The following CFAP58 variants were observed in gnomAD, a reference collection of about 807,000 sequenced individuals.
The protein encoded by CFAP58 is cilia- and flagella-associated protein 58.
CFAP58 carries 88 observed loss-of-function variants against 119.5 expected under a neutral mutation model. The ratio of observed to expected loss-of-function variants is 0.74; its 90% CI spans 0.62 to 0.88. CFAP58 has a LOEUF of 0.88. Among genes scored for constraint, CFAP58 ranks in the 40% least tolerant of loss-of-function variants. The probability of loss-of-function intolerance (pLI) is 0.00; values close to 1 mark genes in which losing one functional copy is unlikely to be tolerated. For missense variants in CFAP58, 990 were observed against 1,021.2 expected (o/e 0.97, Z 0.42); for synonymous variants, 365 against 366.3 (o/e 1.00, Z 0.04).
intron 15 of CFAP58, among the ~76,000 whole-genome samples, chr10:104,419,910 T>C (rs1183561240): frequency 6.6e-6 from 1 of 152,168 alleles, no homozygotes; most frequent in African/African-American, 2.4e-5. Context: ...CTTCAAGATT[T>C]TGGAGGAAAT....
At chr10:104,359,831 C>T (rs2014643117) in intron 2 of CFAP58, among the ~76,000 whole-genome samples, 1 of 152,078 alleles carries the variant, frequency 6.6e-6, no homozygotes, top group Admixed American at 6.6e-5. Flanking sequence ...AAACCCAAAA[C>T]AAACAAAAAA....
At chr10:104,375,990 C>T (rs1326708941) in intron 7 of CFAP58, among the ~76,000 whole-genome samples, 1 of 151,758 alleles carries the variant, frequency 6.6e-6, no homozygotes, top group Non-Finnish European at 1.5e-5. Context: ...TCTTATTGGA[C>T]CTAAAAGGGT....
At chr10:104,342,342 C>G in the CFAP58 span, among the ~76,000 whole-genome samples, 1 of 152,122 alleles carries the variant, frequency 6.6e-6, no homozygotes, top group African/African-American at 2.4e-5. Context: ...TTTTGATTTG[C>G]AGTTTTTAAA....
intron 15 of CFAP58, among the ~76,000 whole-genome samples, chr10:104,432,085 G>T (rs907340759): frequency 2.6e-5 from 4 of 152,030 alleles, no homozygotes; most frequent in African/African-American, 9.7e-5. Context: ...GTATCTACAA[G>T]TAGAGGAAGT....
chr10:104,420,127 CTTT>C (rs10708502), intron 15 of CFAP58, among the ~76,000 whole-genome samples: 7 of 143,714 alleles, frequency 4.9e-5, no homozygotes, highest in Non-Finnish European at 4.6e-5. Flanking sequence ...TGTTTGGGGC[CTTT>C]TTTTTTTTTT....
In CFAP58 at chr10:104,400,725, A is replaced by G; in HGVS notation, c.1861A>G (p.Asn621Asp). The G allele has an allele frequency of 6.2e-7, 1 of 1,614,126 alleles. No homozygotes were observed. The highest frequency in any genetic ancestry group is 8.5e-7 in the Non-Finnish European group (1 of 1,180,018). The change falls in exon 13 of 18, where the codon AAT (asparagine) becomes GAT (aspartate). Residue 621 changes from asparagine to aspartate, a missense_variant. Physicochemically the swap from Asn to Asp is conservative, Grantham distance 23. Transcript: ENST00000369704. ...DILGSQLVRR[N>D]DELALLYEKI... ...CCTGGGGTCTCAGCTTGTTCGGCGC[A>G]ATGATGAGTTAGCTTTGCTCTATGA... is the stretch of plus-strand genomic sequence containing the variant.
In CFAP58 at chr10:104,413,706, A is replaced by ACATCATCAT. The variant is rs199893413; in HGVS notation, c.2256+6949_2256+6957dup. ...TGCTATCCATTACCTGGGTATCATT[A>ACATCATCAT]CATCATCATCATCATCATCATCATC... On this transcript the variant is annotated intron_variant, in intron 15 of 17. Transcript: ENST00000369704. 2.8e-3 allele frequency among the ~76,000 whole-genome samples: 396 copies of ACATCATCAT among 143,862 alleles called. 3 individuals carry two copies. The highest frequency in any genetic ancestry group is 7.2e-3 in the East Asian group (36 of 4,978). The allele number at this position is 143,862 out of a possible 152,430, so 94.4% of individuals were successfully genotyped here. A position where few individuals can be genotyped will look rare whatever the true frequency, so the allele number is the denominator to read the frequency against.
In CFAP58 at chr10:104,442,646, C is replaced by T. The variant is rs970934240; in HGVS notation, c.2257-5052C>T. On this transcript the variant is annotated intron_variant, in intron 15 of 17. Transcript: ENST00000369704. Reference sequence around the variant, plus strand: ...TTATATTTATGTGTATCAGTATGTACATGCACATACAAGTAGTCTTTTCAG... The same window carrying T: ...TTATATTTATGTGTATCAGTATGTATATGCACATACAAGTAGTCTTTTCAG... Among the ~76,000 whole-genome samples, 10 of 150,406 alleles carry T rather than the reference C, an allele frequency of 6.6e-5. No individual in the cohort carries two copies. In the South Asian group the frequency reaches 1.9e-3, roughly 28 times the overall value.
intron 15 of CFAP58, among the ~76,000 whole-genome samples, chr10:104,424,758 G>T (rs529938950): frequency 3.9e-5 from 6 of 152,110 alleles, no homozygotes; most frequent in Admixed American, 1.3e-4. Flanking sequence ...TGTCTGGGAT[G>T]GTATATAATG....
intron 15 of CFAP58, among the ~76,000 whole-genome samples, chr10:104,434,659 G>A (rs1445154572): frequency 6.6e-6 from 1 of 152,222 alleles, no homozygotes; most frequent in Non-Finnish European, 1.5e-5. Flanking sequence ...GACCTTTGGA[G>A]TTGAAGCCTC....
At chr10:104,377,158 G>A (rs1204297382) in intron 8 of CFAP58, among the ~76,000 whole-genome samples, 3 of 152,178 alleles carry the variant, frequency 2.0e-5, no homozygotes, top group Non-Finnish European at 4.4e-5. Context: ...AGTGTTTTGT[G>A]GATTCTGTTT....
rs186146336 is a variant in CFAP58 at position 104,365,208 on chromosome 10, C to T, written c.597+319C>T. 1.6e-3 allele frequency among the ~76,000 whole-genome samples: 245 copies of T among 152,252 alleles called. 1 individual carries two copies. The Middle Eastern group carries it at 0.027, about 17-fold the overall frequency. ...CATCTGGGGGTGGTGGAAGTAGTTT[C>T]TTTGGCCCTACTTATTTATTTATTT... On this transcript the variant is annotated intron_variant, in intron 4 of 17. Coordinates refer to ENST00000369704, the MANE Select transcript of CFAP58 (RefSeq NM_001008723.2).
chr10:104,390,866 T>C (rs1031790935), intron 9 of CFAP58, among the ~76,000 whole-genome samples: 1 of 152,130 alleles, frequency 6.6e-6, no homozygotes. Flanking sequence ...TGTTACTAGG[T>C]TTATCAAATC....
intron 15 of CFAP58, among the ~76,000 whole-genome samples, chr10:104,427,434 G>A (rs894974706): frequency 6.6e-6 from 1 of 151,802 alleles, no homozygotes; most frequent in African/African-American, 2.4e-5. Context: ...TTTTCTAGTT[G>A]ACAAAGCAAT....
chr10:104,378,230 C>T (rs2133009085), intron 8 of CFAP58, among the ~76,000 whole-genome samples: 1 of 152,284 alleles, frequency 6.6e-6, no homozygotes, highest in Non-Finnish European at 1.5e-5. Context: ...GTTGAAATGC[C>T]ACCTTCATCC....
At position 104,443,597 on chromosome 10, in the gene CFAP58, C is replaced by T. The variant is rs146292614; in HGVS notation, c.2257-4101C>T. On this transcript the variant is annotated intron_variant, in intron 15 of 17. Coordinates refer to ENST00000369704, the MANE Select transcript of CFAP58 (RefSeq NM_001008723.2). The stretch of plus-strand genomic sequence containing the variant: ...TCAGTCAGTTATTGCTTCGTGTATG[C>T]GAGCTGAGGAAGAAGGGGTGCTGAG... 5.0e-3 allele frequency among the ~76,000 whole-genome samples: 764 copies of T among 152,310 alleles called. 6 individuals carry two copies. Among genetic ancestry groups the T allele is most frequent in the Middle Eastern group, 0.037 (11 of 294 alleles).
intron 15 of CFAP58, among the ~76,000 whole-genome samples, chr10:104,438,349 TTTTTTTTTTTTG>T (rs869168036): frequency 0.31 from 23,707 of 76,798 alleles, 2,407 homozygotes; most frequent in Non-Finnish European, 0.36. Flanking sequence ...TTGTTTTTTG[TTTTTTTTTTTTG>T]TTTTTTTTTT....
intron 11 of CFAP58, among the ~76,000 whole-genome samples, 166 bp from the exon 12 acceptor site, chr10:104,399,194 G>GTGTGTT (rs1554920078): frequency 6.6e-6 from 1 of 152,036 alleles, no homozygotes; most frequent in African/African-American, 2.4e-5. Context: ...GTGTGTGTGT[G>GTGTGTT]TGTGTGTTGT....
rs775187382 is a variant in CFAP58, at chr10:104,386,389, AAT to A, written c.1366-5842_1366-5841del. On this transcript the variant is annotated intron_variant, in intron 9 of 17. Transcript: ENST00000369704. ...TGAACCACCATCTCAAAAAAAAAAA[AAT>A]AAATAAATAAATAAAAATAAGAAAA... Among the ~76,000 whole-genome samples the A allele has an allele frequency of 1.6e-3, 217 of 134,370 alleles. 4 individuals are homozygous for A. The highest frequency in any genetic ancestry group is 0.015 in the East Asian group (67 of 4,554). 88.2% of individuals were successfully genotyped at this position (134,370 alleles called of 152,430 possible). A position where few individuals can be genotyped will look rare whatever the true frequency, so the allele number is the denominator to read the frequency against.
Sources: gnomAD v4.1 joint callset for allele counts (sites outside exome capture counted in the v4.1 genomes callset) on GRCh38, gnomAD v4.1.1 for gene constraint, MANE v1.5 for transcripts, NCBI Gene and HGNC (gene_info 2026-07-23, HGNC 2026-07-21) for gene names.